ARL14EP: variants seen among roughly 807,000 people sequenced by gnomAD.
ARL14EP encodes the protein ARF like GTPase 14 effector protein.
ARL14EP carries 12 observed loss-of-function variants against 23.1 expected under a neutral mutation model. The ratio of observed to expected loss-of-function variants is 0.52; its 90% CI spans 0.33 to 0.84. ARL14EP has a LOEUF of 0.84. ARL14EP is among the 40% of genes least tolerant of loss of function. The pLI is 0.02. For synonymous variants in ARL14EP, 97 were observed against 102.0 expected (o/e 0.95, Z 0.29); for missense variants, 253 against 307.3 (o/e 0.82, Z 1.32).
rs1185663934 is a variant in ARL14EP at position 30,330,918 on chromosome 11, A to C, written c.-31A>C. 3 of 1,533,846 alleles carry C rather than the reference A, an allele frequency of 2.0e-6. No individual in the cohort carries two copies. Among genetic ancestry groups the C allele is most frequent in the Non-Finnish European group, 2.6e-6 (3 of 1,149,652 alleles). On this transcript the variant is annotated 5_prime_UTR_variant, in exon 2 of 4. Transcript: ENST00000282032. The stretch of plus-strand genomic sequence containing the variant: ...AGCCCATGACCTAAACCTCCAGACA[A>C]AATAAAACGGAAAATTTGCTAGAAT...
intron 2 of ARL14EP, among the ~76,000 whole-genome samples, chr11:30,332,344 A>G (rs891686177): frequency 2.0e-5 from 3 of 151,472 alleles, no homozygotes; most frequent in African/African-American, 4.9e-5. Flanking sequence ...ATGTTCTTGT[A>G]GAATATATCA....
At chr11:30,334,319 G>A (rs972125287) in intron 3 of ARL14EP, among the ~76,000 whole-genome samples, 5 of 148,606 alleles carry the variant, frequency 3.4e-5, no homozygotes, top group Admixed American at 2.0e-4. Flanking sequence ...GCGTTCAAGC[G>A]ATTCTTCTGC....
chr11:30,326,540 G>A (rs1040585978), intron 1 of ARL14EP, among the ~76,000 whole-genome samples: 5 of 152,214 alleles, frequency 3.3e-5, no homozygotes, highest in Admixed American at 1.3e-4. Context: ...AGCAAAAACA[G>A]TTGCTAGGAA....
Position 30,336,849 on chromosome 11 carries a change from T to TA in ARL14EP, c.*55dup. On this transcript the variant is annotated 3_prime_UTR_variant, in exon 4 of 4. Transcript: ENST00000282032. ...AAGGTCTTTATTTCTAAAAATCTGT[T>TA]ACTCTAAGATACATTTTAAGCTTGA... is the stretch of plus-strand genomic sequence containing the variant. 7.0e-7 allele frequency: 1 copy of TA among 1,431,212 alleles called. No homozygotes were observed. The highest frequency in any genetic ancestry group is 9.8e-7 in the Non-Finnish European group (1 of 1,019,944). 88.7% of individuals were successfully genotyped at this position (1,431,212 alleles called of 1,614,324 possible).
intron 1 of ARL14EP, chr11:30,328,980 ATTAT>A (rs1337402654): frequency 1.3e-5 from 2 of 152,088 alleles, no homozygotes; most frequent in African/African-American, 4.8e-5. Context: ...TGCTTTGAAA[ATTAT>A]TTATGAAAAA....
chr11:30,333,440 A>G (rs1425489048), intron 3 of ARL14EP, among the ~76,000 whole-genome samples: 4 of 152,122 alleles, frequency 2.6e-5, no homozygotes, highest in African/African-American at 9.7e-5. Flanking sequence ...TCTCTGTCGC[A>G]TTTTGGTAAT....
intron 3 of ARL14EP, among the ~76,000 whole-genome samples, chr11:30,336,172 A>C (rs550152109): frequency 1.3e-5 from 2 of 152,210 alleles, no homozygotes; most frequent in African/African-American, 4.8e-5. Flanking sequence ...AGAAACATTA[A>C]TTGTAGTATA....
chr11:30,332,434 G>T (rs1373278884), intron 2 of ARL14EP, among the ~76,000 whole-genome samples: 1 of 151,872 alleles, frequency 6.6e-6, no homozygotes, highest in Non-Finnish European at 1.5e-5. Context: ...TTTTCAAAAA[G>T]ATTATAATAC....
At chr11:30,332,768 T>G (rs561932163) in intron 2 of ARL14EP, 98 bp from the exon 3 acceptor site, 2 of 1,455,826 alleles carry the variant, frequency 1.4e-6, no homozygotes, top group African/African-American at 2.8e-5. Flanking sequence ...CCAGACTGTC[T>G]TCCATGTTAG....
chr11:30,331,140 C>G lies in ARL14EP; in HGVS notation c.192C>G (p.Tyr64Ter). The change falls in exon 2 of 4, where the codon TAC becomes TAG. Residue 64 changes from tyrosine (Y) to a stop codon, truncating the protein, a stop_gained. Coordinates refer to ENST00000282032, the MANE Select transcript of ARL14EP (RefSeq NM_152316.3). LOFTEE classifies it high-confidence loss of function. ...NTICFHHVKIYIDRFEDLQKS... is the reference protein window; with the variant it reads ...NTICFHHVKI ...TTTGCTTTCATCATGTAAAAATTTA[C>G]ATTGACAGATTTGAGGATTTACAGA... 1 of 1,613,886 alleles carries G rather than the reference C, an allele frequency of 6.2e-7. No individual in the cohort carries two copies. The highest frequency in any genetic ancestry group is 8.5e-7 in the Non-Finnish European group (1 of 1,179,816).
chr11:30,325,086 G>C (rs781535955), intron 1 of ARL14EP, among the ~76,000 whole-genome samples: 1 of 152,302 alleles, frequency 6.6e-6, no homozygotes, highest in Non-Finnish European at 1.5e-5. Context: ...GCAATGGGTA[G>C]AACCAAAAGA....
Position 30,331,238 on chromosome 11 carries a change from A to T in ARL14EP, c.290A>T (p.Asp97Val). The change falls in exon 2 of 4, where the codon GAT (aspartate) becomes GTT (valine). Residue 97 changes from aspartate to valine, a missense_variant. By Grantham distance (152) the Asp-to-Val change is radical. Transcript: ENST00000282032. ...AATTTGCATGTAATTGACTTAGATG[A>T]TGCCACTTTTCTGAGTGCTAAATTT... The part of the protein sequence containing the change: ...KKNLHVIDLD[D>V]ATFLSAKFGR... The T allele has an allele frequency of 6.2e-7, 1 of 1,614,048 alleles. No homozygotes were observed. The highest frequency in any genetic ancestry group is 8.5e-7 in the Non-Finnish European group (1 of 1,179,912).
At chr11:30,335,606 C>G (rs559300960) in intron 3 of ARL14EP, among the ~76,000 whole-genome samples, 3 of 152,326 alleles carry the variant, frequency 2.0e-5, no homozygotes, top group South Asian at 2.1e-4. Flanking sequence ...AAAAAAACTA[C>G]AACTCATTGA....
chr11:30,332,966 C>CA lies in ARL14EP; in HGVS notation c.533dup (p.Asn178LysfsTer16). ...GGTAAAAGAGAAAAAAGAAGGCTTA[C>CA]AAAAAATGCAACCGCTGGTTCAGAC... is the stretch of plus-strand genomic sequence containing the variant. On this transcript the variant is annotated frameshift_variant, in exon 3 of 4. Coordinates refer to ENST00000282032, the MANE Select transcript of ARL14EP (RefSeq NM_152316.3). LOFTEE classifies it high-confidence loss of function. 1 of 1,613,308 alleles carries CA rather than the reference C, an allele frequency of 6.2e-7. No homozygotes were observed. Among genetic ancestry groups the CA allele is most frequent in the Non-Finnish European group, 8.5e-7 (1 of 1,179,532 alleles).
intron 2 of ARL14EP, among the ~76,000 whole-genome samples, chr11:30,332,285 AG>A (rs1245348419): frequency 1.3e-5 from 2 of 150,842 alleles, no homozygotes; most frequent in African/African-American, 4.9e-5. Context: ...AGTTCATACT[AG>A]ATACTTGCTG....
At chr11:30,332,701 G>T (rs995974133) in intron 2 of ARL14EP, among the ~76,000 whole-genome samples, 165 bp from the exon 3 acceptor site, 1 of 152,132 alleles carries the variant, frequency 6.6e-6, no homozygotes, top group African/African-American at 2.4e-5. Flanking sequence ...ATGGTCTAGG[G>T]CCATGTAAAT....
intron 3 of ARL14EP, among the ~76,000 whole-genome samples, chr11:30,333,266 T>C (rs887247989): frequency 3.9e-5 from 6 of 152,220 alleles, no homozygotes; most frequent in Non-Finnish European, 8.8e-5. Context: ...AATTCACTTA[T>C]TTGAAAAGCA....
chr11:30,325,692 G>T (rs1166364613), intron 1 of ARL14EP, among the ~76,000 whole-genome samples: 2 of 151,942 alleles, frequency 1.3e-5, no homozygotes, highest in South Asian at 4.2e-4. Flanking sequence ...CTTTTCTTGC[G>T]TTAAAAGATT....
chr11:30,335,847 G>A (rs1025748918), intron 3 of ARL14EP, among the ~76,000 whole-genome samples: 5 of 151,616 alleles, frequency 3.3e-5, no homozygotes, highest in African/African-American at 7.3e-5. Flanking sequence ...CAATACCTCC[G>A]AAATGTGCCT....
Sources: allele counts gnomAD v4.1 joint callset (sites outside exome capture counted in the v4.1 genomes callset), GRCh38; gene constraint gnomAD v4.1.1; transcripts MANE v1.5; gene names NCBI Gene and HGNC (gene_info 2026-07-23, HGNC 2026-07-21).